Variants in PDE3B observed in about 807,000 individuals in gnomAD.
PDE3B encodes the protein cGMP-inhibited 3',5'-cyclic phosphodiesterase 3B.
Under a neutral mutation model 116.8 loss-of-function variants are expected in PDE3B, and 66 were observed. That is an observed-to-expected ratio of 0.56 (90% CI 0.46 to 0.69). The LOEUF is 0.69. PDE3B is among the 30% of genes least tolerant of loss of function. The pLI is 0.00. For missense variants in PDE3B, 1,384 were observed against 1,368.1 expected (o/e 1.01, Z -0.18); for synonymous variants, 595 against 533.6 (o/e 1.12, Z -1.59).
chr11:14,879,367 A>C, the PDE3B span: 1 of 1,611,498 alleles, frequency 6.2e-7, no homozygotes, highest in Non-Finnish European at 8.5e-7. Flanking sequence ...CCTCAGTATA[A>C]GGCATTTTGC....
At chr11:14,758,087 C>T (rs1349688227) in intron 1 of PDE3B, among the ~76,000 whole-genome samples, 1 of 151,940 alleles carries the variant, frequency 6.6e-6, no homozygotes, top group Non-Finnish European at 1.5e-5. Context: ...TTGTTTTTGT[C>T]AGGTTTGTCA....
intron 10 of PDE3B, among the ~76,000 whole-genome samples, chr11:14,833,769 A>G (rs1042328624): frequency 6.6e-6 from 1 of 152,206 alleles, no homozygotes; most frequent in Admixed American, 6.5e-5. Context: ...TAACTCACTA[A>G]TAATGTTTAA....
chr11:14,809,073 G>A (rs552592756), intron 5 of PDE3B, among the ~76,000 whole-genome samples: 15 of 152,132 alleles, frequency 9.9e-5, no homozygotes, highest in Non-Finnish European at 1.9e-4. Flanking sequence ...AGAAGAAAAA[G>A]TACGAGGACT....
At chr11:14,750,437 C>T (rs1565121100) in intron 1 of PDE3B, among the ~76,000 whole-genome samples, 1 of 152,006 alleles carries the variant, frequency 6.6e-6, no homozygotes, top group Non-Finnish European at 1.5e-5. Context: ...TGTGGCTTCA[C>T]AACAGTAGAA....
At chr11:14,781,926 C>G (rs1372815285) in intron 2 of PDE3B, among the ~76,000 whole-genome samples, 1 of 152,004 alleles carries the variant, frequency 6.6e-6, no homozygotes, top group Non-Finnish European at 1.5e-5. Flanking sequence ...TCATGTCAGC[C>G]CCAAATCTCC....
chr11:14,664,218 C>A (rs559016546), intron 1 of PDE3B, among the ~76,000 whole-genome samples: 17 of 152,034 alleles, frequency 1.1e-4, no homozygotes, highest in African/African-American at 3.9e-4. Flanking sequence ...TTGAAACCAA[C>A]GAGAACAAAG....
chr11:14,660,471 T>C (rs1232908873), intron 1 of PDE3B, among the ~76,000 whole-genome samples: 1 of 151,876 alleles, frequency 6.6e-6, no homozygotes, highest in Non-Finnish European at 1.5e-5. Context: ...CTGGCTATTT[T>C]TTTTTTGTAT....
rs186950466 is a variant in PDE3B at position 14,871,047 on chromosome 11, T to C, written c.*1387T>C. On this transcript the variant is annotated 3_prime_UTR_variant, in exon 16 of 16. Coordinates refer to ENST00000282096, the MANE Select transcript of PDE3B (RefSeq NM_000922.4). ...TTTTCTATTATTATTGGAGAACATA[T>C]CATATTTTGGAATCATGCAATTTTG... 8 of 152,154 alleles carry C rather than the reference T, an allele frequency of 5.3e-5. No individual in the cohort carries two copies. The highest frequency in any genetic ancestry group is 9.7e-5 in the African/African-American group (4 of 41,446). 9.4% of individuals were successfully genotyped at this position (152,154 alleles called of 1,614,324 possible).
At chr11:14,713,761 G>T (rs1239512488) in intron 1 of PDE3B, among the ~76,000 whole-genome samples, 1 of 151,702 alleles carries the variant, frequency 6.6e-6, no homozygotes, top group Non-Finnish European at 1.5e-5. Flanking sequence ...TTTCCCTGGA[G>T]AACTGTAATT....
intron 1 of PDE3B, among the ~76,000 whole-genome samples, chr11:14,668,489 A>T (rs1854256974): frequency 6.6e-6 from 1 of 152,146 alleles, no homozygotes. Flanking sequence ...GAATACACTA[A>T]ACTTTTAAGT....
intron 1 of PDE3B, among the ~76,000 whole-genome samples, chr11:14,763,630 A>G (rs1857419190): frequency 6.6e-6 from 1 of 152,116 alleles, no homozygotes; most frequent in African/African-American, 2.4e-5. Context: ...GGGAAGAGGG[A>G]ATCGAATCTA....
intron 4 of PDE3B, among the ~76,000 whole-genome samples, chr11:14,800,622 C>T (rs186689224): frequency 1.5e-3 from 222 of 152,292 alleles, no homozygotes; most frequent in African/African-American, 4.9e-3. Context: ...GTGAATCTGA[C>T]AGTTATGTGT....
rs756078453 is a variant in PDE3B, at chr11:14,844,811, CT to C, written c.2520+787del. ...GGGCGCCCGCCATTGCCCAGGCTTGCTTAGGTAAACAAAGCAGCTGGGAAGC... is the reference window on the plus strand; with the variant it reads ...GGGCGCCCGCCATTGCCCAGGCTTGCTAGGTAAACAAAGCAGCTGGGAAGC... On this transcript the variant is annotated intron_variant, in intron 12 of 15. Transcript: ENST00000282096. Among the ~76,000 whole-genome samples the C allele has an allele frequency of 5.9e-5, 9 of 152,360 alleles. No homozygotes were observed. In the East Asian group the frequency reaches 1.2e-3, roughly 20 times the overall value.
At chr11:14,725,311 C>T (rs776897668) in intron 1 of PDE3B, among the ~76,000 whole-genome samples, 24 of 66,996 alleles carry the variant, frequency 3.6e-4, no homozygotes, top group Non-Finnish European at 7.1e-4. Flanking sequence ...CTTTCTTTCT[C>T]TTTCTTTCTT....
At chr11:14,862,537 G>T (rs1373548064) in intron 14 of PDE3B, among the ~76,000 whole-genome samples, 1 of 152,098 alleles carries the variant, frequency 6.6e-6, no homozygotes, top group Non-Finnish European at 1.5e-5. Context: ...GACACTTAGT[G>T]GTTCTCAAGG....
chr11:14,677,439 T>C (rs1419347743), intron 1 of PDE3B, among the ~76,000 whole-genome samples: 2 of 152,248 alleles, frequency 1.3e-5, no homozygotes, highest in African/African-American at 4.8e-5. Context: ...AATGATATCT[T>C]TCTATGTTTT....
rs144327656 is a variant in PDE3B at position 14,843,951 on chromosome 11, C to G, written c.2445C>G (p.Tyr815Ter). Residue 815 changes from tyrosine to a stop codon, truncating the protein, a stop_gained, in exon 12 of 16, where the codon TAC becomes TAG. Coordinates refer to ENST00000282096, the MANE Select transcript of PDE3B (RefSeq NM_000922.4). LOFTEE classifies it high-confidence loss of function. Reference sequence around the variant, plus strand: ...CTGCATTAGAATTGATGGCTCTATACGTGGCAGCTGCCATGCATGATTATG... The same window carrying G: ...CTGCATTAGAATTGATGGCTCTATAGGTGGCAGCTGCCATGCATGATTATG... ...NIPALELMAL[Y>*]VAAAMHDYDH... 6.2e-7 allele frequency: 1 copy of G among 1,614,050 alleles called. No individual in the cohort carries two copies. The highest frequency in any genetic ancestry group is 8.5e-7 in the Non-Finnish European group (1 of 1,179,944).
chr11:14,859,285 TA>T, intron 13 of PDE3B, 39 bp downstream of exon 13: 1 of 1,405,530 alleles, frequency 7.1e-7, no homozygotes, highest in Non-Finnish European at 9.9e-7. Context: ...AAAAAATCTT[TA>T]TTGTCAGTGT....
At chr11:14,663,870 T>C (rs978481043) in intron 1 of PDE3B, among the ~76,000 whole-genome samples, 3 of 152,096 alleles carry the variant, frequency 2.0e-5, no homozygotes, top group East Asian at 1.9e-4. Context: ...GACAGAAAGT[T>C]AACAAGGATA....
Sources: allele counts gnomAD v4.1 joint callset (sites outside exome capture counted in the v4.1 genomes callset), GRCh38; gene constraint gnomAD v4.1.1; transcripts MANE v1.5; gene names NCBI Gene and HGNC (gene_info 2026-07-23, HGNC 2026-07-21).